C19orf47: variants seen among roughly 807,000 people sequenced by gnomAD.
The protein encoded by C19orf47 is uncharacterized protein C19orf47.
Under a neutral mutation model 32.3 loss-of-function variants are expected in C19orf47, and 18 were observed. The observed-to-expected ratio is 0.56, with a 90% CI of 0.39 to 0.83. The LOEUF is 0.83. C19orf47 is among the 40% of genes least tolerant of loss of function. C19orf47 has a pLI of 0.00. For missense variants in C19orf47, 484 were observed against 531.6 expected (o/e 0.91, Z 0.88); for synonymous variants, 202 against 211.1 (o/e 0.96, Z 0.37).
chr19:40,304,605 C>T, the C19orf47 span, among the ~76,000 whole-genome samples: 1 of 152,146 alleles, frequency 6.6e-6, no homozygotes, highest in African/African-American at 2.4e-5. Context: ...TCCTAGAAGC[C>T]GCAAGCCCCT....
At chr19:40,297,864 C>G in the C19orf47 span, among the ~76,000 whole-genome samples, 2 of 133,154 alleles carry the variant, frequency 1.5e-5, no homozygotes, top group African/African-American at 2.6e-5. Flanking sequence ...ACAGAGGTGA[C>G]TCCGTCTCAA....
downstream of C19orf47, among the ~76,000 whole-genome samples, chr19:40,315,953 A>C (rs2077659275): frequency 6.6e-6 from 1 of 151,914 alleles, no homozygotes; most frequent in Non-Finnish European, 1.5e-5. Context: ...GCAAGCCCCT[A>C]TCTATAAATG....
the C19orf47 span, among the ~76,000 whole-genome samples, chr19:40,293,465 T>G: frequency 1.4e-5 from 2 of 145,778 alleles, no homozygotes; most frequent in African/African-American, 5.1e-5. Flanking sequence ...TACTTTTTGT[T>G]TGTTTTTGTT....
At chr19:40,310,788 C>T in the C19orf47 span, among the ~76,000 whole-genome samples, 3 of 152,074 alleles carry the variant, frequency 2.0e-5, no homozygotes, top group African/African-American at 7.2e-5. Context: ...TCTGGGGGAA[C>T]TCATAAAACT....
chr19:40,337,201 G>C (rs1217417592), intron 2 of C19orf47, among the ~76,000 whole-genome samples: 1 of 151,948 alleles, frequency 6.6e-6, no homozygotes, highest in Non-Finnish European at 1.5e-5. Flanking sequence ...CAATGTCCTT[G>C]AGTCACTGTG....
chr19:40,323,594 T>C (rs954689746), intron 8 of C19orf47, among the ~76,000 whole-genome samples: 2 of 152,158 alleles, frequency 1.3e-5, no homozygotes, highest in Non-Finnish European at 2.9e-5. Context: ...CCATGGTAAC[T>C]GTGCGAGACC....
rs948407238 is a variant in C19orf47 at position 40,321,571 on chromosome 19, T to C, written c.*311A>G. ...CCTGCTCAGGGGAAGAAGGGGAATG[T>C]AGGAGAGGAAGAAGCCCCCTGGCAC... is the stretch of plus-strand genomic sequence containing the variant. On this transcript the variant is annotated 3_prime_UTR_variant, in exon 9 of 9. Transcript: ENST00000683109. The C allele has an allele frequency of 2.0e-4, 231 of 1,134,352 alleles. No individual in the cohort carries two copies. Among genetic ancestry groups the C allele is most frequent in the Non-Finnish European group, 2.3e-4 (216 of 922,582 alleles). 70.3% of individuals were successfully genotyped at this position (1,134,352 alleles called of 1,614,324 possible).
chr19:40,310,800 C>CA, the C19orf47 span, among the ~76,000 whole-genome samples: 7 of 152,106 alleles, frequency 4.6e-5, no homozygotes, highest in African/African-American at 1.7e-4. Flanking sequence ...CATAAAACTC[C>CA]AGTAACACTG....
At position 40,321,534 on chromosome 19, in the gene C19orf47, G is replaced by C. The variant is rs991035890; in HGVS notation, c.*348C>G. ...CAGGGAGGCTGATGAGCTGGGGTCTGAGGCAGCAGACCCTGCTCAGGGGAA... is the reference window on the plus strand; with the variant it reads ...CAGGGAGGCTGATGAGCTGGGGTCTCAGGCAGCAGACCCTGCTCAGGGGAA... On this transcript the variant is annotated 3_prime_UTR_variant, in exon 9 of 9. Transcript: ENST00000683109. 16 of 1,062,990 alleles carry C rather than the reference G, an allele frequency of 1.5e-5. No homozygotes were observed. Among genetic ancestry groups the C allele is most frequent in the Non-Finnish European group, 1.7e-5 (15 of 877,856 alleles). 65.8% of individuals were successfully genotyped at this position (1,062,990 alleles called of 1,614,324 possible). A position where few individuals can be genotyped will look rare whatever the true frequency, so the allele number is the denominator to read the frequency against.
chr19:40,339,983 A>AC (rs918845680), intron 2 of C19orf47, among the ~76,000 whole-genome samples: 110 of 151,250 alleles, frequency 7.3e-4, no homozygotes, highest in Non-Finnish European at 1.0e-3. Flanking sequence ...CTCAAAACAA[A>AC]AAAAAAAAAA....
At chr19:40,309,183 TTCTC>T in the C19orf47 span, among the ~76,000 whole-genome samples, 570 of 151,858 alleles carry the variant, frequency 3.8e-3, 3 homozygotes, top group African/African-American at 0.011. Context: ...GCCACTTTAT[TTCTC>T]TCTCTCTTTT....
chr19:40,315,425 C>A (rs142165589), downstream of C19orf47, among the ~76,000 whole-genome samples: 2 of 151,900 alleles, frequency 1.3e-5, no homozygotes, highest in Non-Finnish European at 2.9e-5. Context: ...GTGAGTACAT[C>A]GCTTGAGCTC....
chr19:40,295,310 G>A, the C19orf47 span, among the ~76,000 whole-genome samples: 3 of 151,792 alleles, frequency 2.0e-5, no homozygotes, highest in Admixed American at 6.6e-5. Flanking sequence ...GTGAGCCACC[G>A]TGCCCGGCCT....
intron 2 of C19orf47, among the ~76,000 whole-genome samples, chr19:40,338,266 T>TACACACACAC (rs35520400): frequency 2.6e-3 from 371 of 143,568 alleles, no homozygotes; most frequent in African/African-American, 7.5e-3. Context: ...TACATATATA[T>TACACACACAC]ACACACACAC....
At position 40,322,094 on chromosome 19, in the gene C19orf47, T is replaced by C. The variant is rs1188715075; in HGVS notation, c.946A>G (p.Ile316Val). Residue 316 changes from isoleucine (I) to valine (V), a missense_variant, in exon 9 of 9, where the codon ATC becomes GTC. Around this residue, in one of 3 missense-constraint regions of C19orf47, gnomAD observed 376 missense variants for 370.2 expected, o/e 1.02. Coordinates refer to ENST00000683109, the MANE Select transcript of C19orf47 (RefSeq NM_001256441.2). The part of the protein sequence containing the change: ...KPESLSKVSI[I>V]KRLGAAALVP... ...AGGGCAGCTGCGCCCAGTCTCTTGATGATGCTGACTTTAGACAAGGACTCC... is the reference window on the plus strand; with the variant it reads ...AGGGCAGCTGCGCCCAGTCTCTTGACGATGCTGACTTTAGACAAGGACTCC... The C allele has an allele frequency of 6.2e-7, 1 of 1,614,202 alleles. No individual in the cohort carries two copies. The highest frequency in any genetic ancestry group is 1.7e-5 in the Admixed American group (1 of 60,028).
intron 2 of C19orf47, among the ~76,000 whole-genome samples, chr19:40,339,640 T>C (rs535557348): frequency 1.8e-4 from 28 of 152,094 alleles, no homozygotes; most frequent in African/African-American, 6.0e-4. Context: ...CCAAAGTCTA[T>C]AGAATAGGAA....
chr19:40,295,057 T>G, the C19orf47 span, among the ~76,000 whole-genome samples: 1 of 152,262 alleles, frequency 6.6e-6, no homozygotes, highest in Non-Finnish European at 1.5e-5. Context: ...AGTCTCGCCC[T>G]GTCGCCCAGG....
At chr19:40,313,490 A>G in the C19orf47 span, among the ~76,000 whole-genome samples, 2 of 151,912 alleles carry the variant, frequency 1.3e-5, no homozygotes, top group African/African-American at 4.8e-5. Flanking sequence ...ACGCCGAGCT[A>G]ATTTTTAAAT....
At chr19:40,328,390 A>G (rs1568610949) in intron 6 of C19orf47, 23 bp downstream of exon 6, 1 of 1,609,956 alleles carries the variant, frequency 6.2e-7, no homozygotes, top group Admixed American at 1.7e-5. Context: ...AGCTCCTCCT[A>G]CCACCTGCCC....
Sources: gnomAD v4.1 joint callset for allele counts (sites outside exome capture counted in the v4.1 genomes callset) on GRCh38, gnomAD v4.1.1 for gene constraint, gnomAD v4.1.1 regional missense constraint, MANE v1.5 for transcripts, NCBI Gene and HGNC (gene_info 2026-07-23, HGNC 2026-07-21) for gene names.